The following NCKAP5 variants were observed in gnomAD, a reference collection of about 807,000 sequenced individuals.
The protein encoded by NCKAP5 is NCK associated protein 5, also known as nck-associated protein 5.
Under a neutral mutation model 167.0 loss-of-function variants are expected in NCKAP5, and 92 were observed. That is an observed-to-expected ratio of 0.55 (90% confidence interval 0.47 to 0.66). The LOEUF (loss-of-function observed/expected upper bound fraction) is 0.66, where lower values mean the gene tolerates loss of function less well. Ranked by LOEUF, NCKAP5 falls within the 30% of genes least tolerant of loss-of-function variation. The pLI is 0.00. For missense variants in NCKAP5, 2,378 were observed against 2,315.0 expected (o/e 1.03, Z -0.56); for synonymous variants, 891 against 877.4 (o/e 1.02, Z -0.27).
intron 3 of NCKAP5, among the ~76,000 whole-genome samples, chr2:133,414,023 T>C (rs139948347): frequency 6.6e-6 from 1 of 152,282 alleles, no homozygotes; most frequent in Non-Finnish European, 1.5e-5. Flanking sequence ...CCTTGGGGCC[T>C]TGCACATAAT....
intron 3 of NCKAP5, among the ~76,000 whole-genome samples, chr2:133,436,090 C>G (rs1435562): frequency 0.039 from 5,999 of 152,250 alleles, 146 homozygotes; most frequent in Admixed American, 0.083. Context: ...TCAATTCTTG[C>G]TATATTTACC....
intron 3 of NCKAP5, among the ~76,000 whole-genome samples, chr2:133,443,645 C>A (rs1208815706): frequency 6.6e-6 from 1 of 152,144 alleles, no homozygotes; most frequent in African/African-American, 2.4e-5. Flanking sequence ...CTCCCTGAGC[C>A]CAAGCTTGAA....
chr2:133,493,379 C>T (rs1248467330), intron 3 of NCKAP5, among the ~76,000 whole-genome samples: 1 of 152,186 alleles, frequency 6.6e-6, no homozygotes, highest in Non-Finnish European at 1.5e-5. Flanking sequence ...CTAATACCTT[C>T]ATACTATTCT....
intron 6 of NCKAP5, among the ~76,000 whole-genome samples, chr2:133,056,260 C>G (rs2079797293): frequency 6.6e-6 from 1 of 152,154 alleles, no homozygotes; most frequent in Admixed American, 6.5e-5. Flanking sequence ...GCTGTATCCT[C>G]TTCCTAAATT....
intron 6 of NCKAP5, among the ~76,000 whole-genome samples, chr2:133,082,034 CCCACCCT>C: frequency 6.6e-6 from 1 of 152,168 alleles, no homozygotes; most frequent in Middle Eastern, 3.4e-3. Flanking sequence ...TCTCCCTCCT[CCCACCCT>C]CCACCCTCAA....
At chr2:133,357,087 T>C (rs186018588) in intron 3 of NCKAP5, among the ~76,000 whole-genome samples, 50 of 152,302 alleles carry the variant, frequency 3.3e-4, no homozygotes, top group African/African-American at 1.1e-3. Context: ...AGGGTGAGGC[T>C]CATGTCTGCA....
At chr2:133,354,961 A>G (rs1684610888) in intron 3 of NCKAP5, among the ~76,000 whole-genome samples, 1 of 152,244 alleles carries the variant, frequency 6.6e-6, no homozygotes, top group South Asian at 2.1e-4. Context: ...TATGGTGTGG[A>G]ATAAAATATT....
At chr2:133,218,328 C>A (rs938074679) in intron 4 of NCKAP5, among the ~76,000 whole-genome samples, 23 of 152,148 alleles carry the variant, frequency 1.5e-4, no homozygotes, top group African/African-American at 5.6e-4. Flanking sequence ...TTGCAACTCT[C>A]TTTAACGTCT....
chr2:133,019,891 C>G (rs917560161), intron 6 of NCKAP5, among the ~76,000 whole-genome samples: 2 of 152,190 alleles, frequency 1.3e-5, no homozygotes, highest in African/African-American at 2.4e-5. Context: ...TCTGACAAGG[C>G]CTGTGTGGGT....
intron 4 of NCKAP5, among the ~76,000 whole-genome samples, chr2:133,250,744 C>T (rs1270151258): frequency 2.0e-5 from 3 of 152,262 alleles, no homozygotes; most frequent in Non-Finnish European, 4.4e-5. Context: ...TTGAGACCAG[C>T]CTGGACAACA....
intron 6 of NCKAP5, chr2:133,122,344 C>T (rs2082276763): frequency 6.6e-6 from 1 of 152,086 alleles, no homozygotes; most frequent in Non-Finnish European, 1.5e-5. Flanking sequence ...GGAGTAGGAA[C>T]AGTAATGTAT....
At chr2:133,250,406 T>C (rs528688341) in intron 4 of NCKAP5, among the ~76,000 whole-genome samples, 1 of 152,120 alleles carries the variant, frequency 6.6e-6, no homozygotes, top group Non-Finnish European at 1.5e-5. Flanking sequence ...TTAGGGCATG[T>C]AAGACAGCAT....
chr2:133,628,414 T>G, the NCKAP5 span, among the ~76,000 whole-genome samples: 1 of 152,020 alleles, frequency 6.6e-6, no homozygotes, highest in African/African-American at 2.4e-5. Context: ...GAGAATAAAA[T>G]ATTCAGCAAT....
chr2:133,536,792 C>G (rs1685796976), intron 2 of NCKAP5, among the ~76,000 whole-genome samples: 1 of 151,548 alleles, frequency 6.6e-6, no homozygotes, highest in African/African-American at 2.4e-5. Context: ...TCCTTTGAGG[C>G]ACATTTTTTT....
At chr2:132,873,610 C>A (rs1691014612) in intron 9 of NCKAP5, among the ~76,000 whole-genome samples, 1 of 152,218 alleles carries the variant, frequency 6.6e-6, no homozygotes, top group Non-Finnish European at 1.5e-5. Flanking sequence ...GGTAAATACA[C>A]AGCCCCATAC....
intron 6 of NCKAP5, among the ~76,000 whole-genome samples, chr2:133,111,049 C>T (rs1379024228): frequency 4.6e-5 from 7 of 152,090 alleles, no homozygotes; most frequent in Admixed American, 2.6e-4. Context: ...ATCTATAGGT[C>T]CTCCTTTAAC....
intron 6 of NCKAP5, among the ~76,000 whole-genome samples, chr2:133,040,302 T>C (rs566251398): frequency 1.3e-5 from 2 of 152,186 alleles, no homozygotes; most frequent in Non-Finnish European, 2.9e-5. Flanking sequence ...TCATGGTTTT[T>C]GCTATTAAAA....
chr2:133,424,398 G>T (rs1378322476), intron 3 of NCKAP5, among the ~76,000 whole-genome samples: 1 of 152,154 alleles, frequency 6.6e-6, no homozygotes, highest in East Asian at 1.9e-4. Flanking sequence ...CACCATCTTG[G>T]AAGTGATTTC....
chr2:133,617,160 A>T, the NCKAP5 span, among the ~76,000 whole-genome samples: 2 of 152,232 alleles, frequency 1.3e-5, no homozygotes, highest in African/African-American at 4.8e-5. Context: ...TCTCAAAATA[A>T]TAAGAGCTAT....
Sources: allele counts gnomAD v4.1 joint callset (sites outside exome capture counted in the v4.1 genomes callset), GRCh38; gene constraint gnomAD v4.1.1; transcripts MANE v1.5; gene names NCBI Gene and HGNC (gene_info 2026-07-23, HGNC 2026-07-21).